The following TRMT11 variants were observed in gnomAD, a reference collection of about 807,000 sequenced individuals.
TRMT11 encodes tRNA (guanine(10)-N(2))-methyltransferase TRMT11.
In TRMT11, 53 loss-of-function variants were observed where a neutral mutation model predicts 62.8. The observed-to-expected ratio is 0.84, with a 90% CI of 0.68 to 1.06. The LOEUF is 1.06. Among genes scored for constraint, TRMT11 ranks in the 50% least tolerant of loss-of-function variants. TRMT11 has a pLI of 0.00. For synonymous variants in TRMT11, 188 were observed against 190.3 expected (o/e 0.99, Z 0.10); for missense variants, 556 against 553.4 (o/e 1.00, Z -0.05).
intron 17 of TRMT11, among the ~76,000 whole-genome samples, chr6:126,112,808 G>T (rs748797664): frequency 2.1e-4 from 32 of 151,674 alleles, no homozygotes; most frequent in Non-Finnish European, 3.4e-4. Flanking sequence ...GTCATTGACT[G>T]TTACTGAGAT....
chr6:126,026,383 GT>G (rs199678636), intron 12 of TRMT11, among the ~76,000 whole-genome samples: 5 of 142,502 alleles, frequency 3.5e-5, no homozygotes, highest in East Asian at 3.9e-4. Flanking sequence ...TTCTTTTTAT[GT>G]TTTTTTTTAA....
At chr6:126,120,900 G>T (rs1036921374) in intron 21 of TRMT11, among the ~76,000 whole-genome samples, 2 of 152,082 alleles carry the variant, frequency 1.3e-5, no homozygotes, top group Admixed American at 6.6e-5. Flanking sequence ...AGTTTGGTTT[G>T]CTTCCCATGT....
chr6:126,227,870 T>C, the TRMT11 span, among the ~76,000 whole-genome samples: 13 of 152,106 alleles, frequency 8.5e-5, no homozygotes, highest in African/African-American at 3.1e-4. Context: ...TCCTGGGGAA[T>C]GTGGAATGTA....
At chr6:126,008,959 C>A (rs562300580) in intron 8 of TRMT11, among the ~76,000 whole-genome samples, 26 of 151,778 alleles carry the variant, frequency 1.7e-4, no homozygotes, top group African/African-American at 5.8e-4. Context: ...CTTTTATGAT[C>A]CATTGTGTAC....
the TRMT11 span, chr6:126,257,846 G>A: frequency 5.2e-5 from 57 of 1,095,090 alleles, no homozygotes; most frequent in African/African-American, 9.3e-5. Flanking sequence ...CACAGGGTCC[G>A]CTGGTATTGC....
At chr6:126,237,531 A>T in the TRMT11 span, among the ~76,000 whole-genome samples, 2 of 151,956 alleles carry the variant, frequency 1.3e-5, no homozygotes, top group Non-Finnish European at 2.9e-5. Context: ...AATACAAAAA[A>T]TTAGCTGGGC....
chr6:126,244,100 G>A, the TRMT11 span, among the ~76,000 whole-genome samples: 1 of 151,842 alleles, frequency 6.6e-6, no homozygotes. Context: ...GAACAAAATA[G>A]ACTCATTCAT....
chr6:126,049,586 G>T (rs754892794), intron 16 of TRMT11, among the ~76,000 whole-genome samples: 10 of 152,094 alleles, frequency 6.6e-5, no homozygotes, highest in Non-Finnish European at 8.8e-5. Flanking sequence ...GTCTATGGGA[G>T]TTCCATGCAT....
At chr6:126,221,555 T>C in the TRMT11 span, among the ~76,000 whole-genome samples, 1 of 152,252 alleles carries the variant, frequency 6.6e-6, no homozygotes, top group Non-Finnish European at 1.5e-5. Context: ...TGTATATGTC[T>C]TCTTTTGACA....
the TRMT11 span, among the ~76,000 whole-genome samples, chr6:126,240,821 G>A: frequency 6.6e-6 from 1 of 152,260 alleles, no homozygotes; most frequent in Non-Finnish European, 1.5e-5. Context: ...AGTCTACAGA[G>A]GCAGGCAGGC....
the TRMT11 span, among the ~76,000 whole-genome samples, chr6:126,241,302 A>G: frequency 6.6e-6 from 1 of 152,206 alleles, no homozygotes; most frequent in Non-Finnish European, 1.5e-5. Context: ...TGGGAGCTGT[A>G]GACAGGAGCT....
At chr6:126,266,017 T>C in the TRMT11 span, among the ~76,000 whole-genome samples, 1 of 152,274 alleles carries the variant, frequency 6.6e-6, no homozygotes, top group East Asian at 1.9e-4. Flanking sequence ...AGCCATCTTT[T>C]TTAAACAAAA....
intron 11 of TRMT11, among the ~76,000 whole-genome samples, chr6:126,017,581 C>T (rs926697445): frequency 2.6e-5 from 4 of 152,142 alleles, no homozygotes; most frequent in Non-Finnish European, 5.9e-5. Flanking sequence ...ATTCTGTCCC[C>T]ATTGTTTGAG....
At chr6:125,989,158 C>T (rs1790187562) in intron 1 of TRMT11, among the ~76,000 whole-genome samples, 1 of 123,492 alleles carries the variant, frequency 8.1e-6, no homozygotes, top group Admixed American at 1.0e-4. Flanking sequence ...GAGACGGAGT[C>T]TCGCTCTGTT....
chr6:126,032,303 G>A (rs181665465), intron 12 of TRMT11, among the ~76,000 whole-genome samples: 4 of 152,168 alleles, frequency 2.6e-5, no homozygotes, highest in African/African-American at 4.8e-5. Flanking sequence ...GGCTTTCTGC[G>A]GAATTTAGAA....
chr6:126,173,708 T>C (rs76591699), upstream of TRMT11, among the ~76,000 whole-genome samples: 4,749 of 152,300 alleles, frequency 0.031, 252 homozygotes, highest in African/African-American at 0.11. Context: ...CAAAGGAACT[T>C]AGCATCCTTC....
At chr6:125,991,772 G>A (rs1276406370) in intron 1 of TRMT11, among the ~76,000 whole-genome samples, 1 of 152,180 alleles carries the variant, frequency 6.6e-6, no homozygotes, top group Non-Finnish European at 1.5e-5. Context: ...TATAAGTGTG[G>A]TCCAGTTTTA....
the TRMT11 span, among the ~76,000 whole-genome samples, chr6:126,244,558 T>C: frequency 6.6e-6 from 1 of 152,188 alleles, no homozygotes; most frequent in African/African-American, 2.4e-5. Flanking sequence ...TTTGACAGGG[T>C]AATTTAAGCC....
chr6:126,072,166 T>G (rs1213045566), intron 17 of TRMT11, among the ~76,000 whole-genome samples: 1 of 152,308 alleles, frequency 6.6e-6, no homozygotes, highest in East Asian at 1.9e-4. Context: ...CAAAAATATT[T>G]ACTCACTGTT....
Sources: gnomAD v4.1 joint callset for allele counts (sites outside exome capture counted in the v4.1 genomes callset) on GRCh38, gnomAD v4.1.1 for gene constraint, MANE v1.5 for transcripts, NCBI Gene and HGNC (gene_info 2026-07-23, HGNC 2026-07-21) for gene names.